MACROD2: variants seen among roughly 807,000 people sequenced by gnomAD.
The protein encoded by MACROD2 is ADP-ribose glycohydrolase MACROD2.
In MACROD2, 36 loss-of-function variants were observed where a neutral mutation model predicts 70.4. That is an observed-to-expected ratio of 0.51 (90% CI 0.39 to 0.68). MACROD2 has a LOEUF of 0.68. Among genes scored for constraint, MACROD2 ranks in the 30% least tolerant of loss-of-function variants. The pLI is 0.00. For synonymous variants in MACROD2, 172 were observed against 178.8 expected (o/e 0.96, Z 0.30); for missense variants, 496 against 538.4 (o/e 0.92, Z 0.78).
chr20:14,326,425 A>G lies in MACROD2; in HGVS notation c.272-167054A>G. 1.2e-6 allele frequency: 2 copies of G among 1,613,898 alleles called. No individual in the cohort carries two copies. The highest frequency in any genetic ancestry group is 8.5e-7 in the Non-Finnish European group (1 of 1,179,882). ...TGCAGTGGTTATCTGAATGGTGCTT[A>G]CAATCCCACTGTCCTTACAATCAAA... On this transcript the variant is annotated intron_variant, in intron 3 of 17. Coordinates refer to ENST00000684519, the MANE Select transcript of MACROD2 (RefSeq NM_001351661.2). This position sits in a 1 kb window ranked among gnomAD's most constrained non-coding sequence, Gnocchi z 5.5.
At chr20:14,061,861 AT>A (rs1346412872) in intron 2 of MACROD2, among the ~76,000 whole-genome samples, 1 of 152,142 alleles carries the variant, frequency 6.6e-6, no homozygotes, top group Non-Finnish European at 1.5e-5. Context: ...TGATATTAAA[AT>A]TATGTTAGTG....
intron 5 of MACROD2, chr20:15,196,968 A>G: frequency 2.0e-6 from 2 of 985,408 alleles, no homozygotes; most frequent in Non-Finnish European, 2.4e-6. Flanking sequence ...GGCCTCAGGT[A>G]TCCAAAGAGC....
rs11476031 is a variant in MACROD2, at chr20:15,995,084, AT to A, written c.1153+7934del. Among the ~76,000 whole-genome samples the A allele has an allele frequency of 9.4e-3, 1,429 of 152,020 alleles. 14 individuals carry two copies. Among genetic ancestry groups the A allele is most frequent in the African/African-American group, 0.032 (1,340 of 41,462 alleles). ...TACTCAATTGATATATAATTGAGTT[AT>A]TTTTTTTCTACTAACTCTAATGACT... On this transcript the variant is annotated intron_variant, in intron 15 of 17. Transcript: ENST00000684519.
intron 5 of MACROD2, among the ~76,000 whole-genome samples, chr20:15,060,151 T>C (rs2075520552): frequency 6.6e-6 from 1 of 152,220 alleles, no homozygotes; most frequent in African/African-American, 2.4e-5. Flanking sequence ...CTAATTCAGT[T>C]GTAAAGAAAT....
chr20:14,980,955 C>T (rs998447847), intron 5 of MACROD2, among the ~76,000 whole-genome samples: 1 of 152,118 alleles, frequency 6.6e-6, no homozygotes, highest in Admixed American at 6.6e-5. Context: ...TAGGCCCCTC[C>T]TTAGCTCCTT....
chr20:14,952,670 T>G (rs955710565), intron 5 of MACROD2, among the ~76,000 whole-genome samples: 7 of 152,178 alleles, frequency 4.6e-5, no homozygotes, highest in African/African-American at 1.7e-4. Flanking sequence ...TTTGTGATAT[T>G]TCTATCATCA....
intron 8 of MACROD2, among the ~76,000 whole-genome samples, chr20:15,551,565 A>G (rs1450208493): frequency 1.3e-5 from 2 of 152,104 alleles, no homozygotes; most frequent in Non-Finnish European, 2.9e-5. Context: ...TTCTACTCAC[A>G]TCATGTTGTT....
intron 5 of MACROD2, among the ~76,000 whole-genome samples, chr20:15,058,669 T>A (rs2075507069): frequency 6.6e-6 from 1 of 152,172 alleles, no homozygotes; most frequent in African/African-American, 2.4e-5. Flanking sequence ...ACAACATTAT[T>A]TTTCCATGTC....
chr20:14,080,442 C>CAGA (rs374145519), intron 2 of MACROD2, among the ~76,000 whole-genome samples: 6 of 64,058 alleles, frequency 9.4e-5, no homozygotes, highest in African/African-American at 3.1e-4. Flanking sequence ...AACCCCGTCT[C>CAGA]AAAAAAAAAA....
At chr20:14,580,871 G>A (rs1980968335) in intron 4 of MACROD2, among the ~76,000 whole-genome samples, 2 of 152,166 alleles carry the variant, frequency 1.3e-5, no homozygotes, top group African/African-American at 4.8e-5. Flanking sequence ...ACATCCAGTA[G>A]CAGATTGCTT....
At chr20:15,504,749 G>A (rs1245266448) in intron 8 of MACROD2, among the ~76,000 whole-genome samples, 2 of 152,166 alleles carry the variant, frequency 1.3e-5, no homozygotes, top group African/African-American at 2.4e-5. Flanking sequence ...ACAGCAGGTA[G>A]CATGATAACC....
At chr20:15,050,819 C>G (rs755754328) in intron 5 of MACROD2, among the ~76,000 whole-genome samples, 1 of 151,414 alleles carries the variant, frequency 6.6e-6, no homozygotes, top group South Asian at 2.1e-4. Context: ...AAATTCATCC[C>G]TGATGTAAGG....
intron 5 of MACROD2, among the ~76,000 whole-genome samples, chr20:14,828,066 A>T (rs1342064314): frequency 2.0e-5 from 3 of 152,116 alleles, no homozygotes; most frequent in Non-Finnish European, 4.4e-5. Context: ...GAAAATAAAG[A>T]TGATATATAC....
intron 4 of MACROD2, among the ~76,000 whole-genome samples, chr20:14,660,793 C>T (rs953399719): frequency 4.6e-5 from 7 of 152,052 alleles, no homozygotes; most frequent in African/African-American, 7.2e-5. Context: ...TAAGTGAGAA[C>T]GTGCGATTTT....
intron 3 of MACROD2, among the ~76,000 whole-genome samples, chr20:14,096,875 C>A (rs2054234650): frequency 6.6e-6 from 1 of 152,118 alleles, no homozygotes; most frequent in African/African-American, 2.4e-5. Context: ...AAACTTTGCC[C>A]ATGGGAAGTT....
intron 5 of MACROD2, among the ~76,000 whole-genome samples, chr20:14,685,981 A>G (rs2070997382): frequency 1.3e-5 from 2 of 152,184 alleles, no homozygotes; most frequent in African/African-American, 2.4e-5. Context: ...ATTACTGTAA[A>G]GGTATGTTTA....
chr20:14,675,461 A>G (rs1369278393), intron 4 of MACROD2, among the ~76,000 whole-genome samples: 1 of 152,184 alleles, frequency 6.6e-6, no homozygotes, highest in South Asian at 2.1e-4. Context: ...ACTAAGCTTC[A>G]TAAGTGAAGG....
chr20:15,962,467 T>C (rs1178281669), intron 12 of MACROD2, among the ~76,000 whole-genome samples: 2 of 152,244 alleles, frequency 1.3e-5, no homozygotes. Context: ...GCTAGTATTT[T>C]CAATAACAAC....
intron 6 of MACROD2, among the ~76,000 whole-genome samples, chr20:15,315,987 C>A (rs1251172147): frequency 3.0e-4 from 46 of 151,192 alleles, no homozygotes; most frequent in Non-Finnish European, 7.4e-5. Flanking sequence ...GATATCAATT[C>A]AAAATAGATT....
Sources: gnomAD v4.1 joint callset for allele counts (sites outside exome capture counted in the v4.1 genomes callset) on GRCh38, gnomAD v4.1.1 for gene constraint, Gnocchi (gnomAD v3.1) non-coding constraint, MANE v1.5 for transcripts, NCBI Gene and HGNC (gene_info 2026-07-23, HGNC 2026-07-21) for gene names.